Variants in FANCA observed in about 807,000 individuals in gnomAD.
FANCA encodes FA complementation group A.
In FANCA, 236 loss-of-function variants were observed where a neutral mutation model predicts 194.3. That is an observed-to-expected ratio of 1.21 (90% confidence interval 1.09 to 1.35). FANCA has a LOEUF of 1.35. FANCA is among the 40% of genes most tolerant of loss of function. The pLI is 0.00. For missense variants in FANCA, 2,628 were observed against 1,813.9 expected, an observed-to-expected ratio of 1.45 and a Z score of -8.15; for synonymous variants, 1,014 against 715.8, an observed-to-expected ratio of 1.42 and a Z score of -6.65.
intron 7 of FANCA, 122 bp from the exon 8 acceptor site, chr16:89,803,463 T>C (rs914605299): frequency 1.2e-6 from 1 of 859,050 alleles, no homozygotes; most frequent in Non-Finnish European, 2.0e-6. Context: ...CCAGGACCCC[T>C]GTGAGCTGCT....
chr16:89,766,270 C>T (rs1183891893), intron 27 of FANCA, among the ~76,000 whole-genome samples: 1 of 151,084 alleles, frequency 6.6e-6, no homozygotes, highest in African/African-American at 2.4e-5. Flanking sequence ...GTTGGGATTA[C>T]AGGCATGAGC....
intron 12 of FANCA, 129 bp downstream of exon 12, chr16:89,792,342 G>T (rs2040104452): frequency 1.5e-5 from 16 of 1,053,268 alleles, no homozygotes; most frequent in Non-Finnish European, 2.4e-5. Context: ...GATGAGGACA[G>T]CCACATCTCA....
At chr16:89,757,566 G>A (rs1046053246) in intron 30 of FANCA, among the ~76,000 whole-genome samples, 32 of 152,190 alleles carry the variant, frequency 2.1e-4, no homozygotes, top group African/African-American at 7.5e-4. Flanking sequence ...AAATGGATTC[G>A]TGGTTGCCGC....
intron 3 of FANCA, among the ~76,000 whole-genome samples, chr16:89,813,315 G>A (rs1027707924): frequency 1.3e-5 from 2 of 151,832 alleles, no homozygotes; most frequent in African/African-American, 4.8e-5. Context: ...TGCTGGGGTG[G>A]GAGGATCACT....
Position 89,738,690 on chromosome 16 carries a change from C to A in FANCA, c.4279G>T (p.Asp1427Tyr), listed in dbSNP as rs773999989. 1 of 1,613,944 alleles carries A rather than the reference C, an allele frequency of 6.2e-7. No individual in the cohort carries two copies. The highest frequency in any genetic ancestry group is 1.1e-5 in the South Asian group (1 of 91,078). The change falls in exon 43 of 43, where the codon GAC (aspartate) becomes TAC (tyrosine). Residue 1427 changes from aspartate to tyrosine, a missense_variant. Physicochemically the swap from Asp to Tyr is radical, Grantham distance 160. Transcript: ENST00000389301. ...GCGGCGCTCACCTCTGGGTCGCAGT[C>A]CCCACGATCAGCCAGCAGCTGTGAG... Reference protein sequence around the residue: ...HVAELLADRGDCDPEVSAALQ... With the variant: ...HVAELLADRGYCDPEVSAALQ...
At chr16:89,748,096 G>C (rs1293147551) in intron 33 of FANCA, among the ~76,000 whole-genome samples, 2 of 152,150 alleles carry the variant, frequency 1.3e-5, no homozygotes, top group African/African-American at 4.8e-5. Flanking sequence ...ATTTTTTGTA[G>C]AAACAGGGTT....
At position 89,769,826 on chromosome 16, in the gene FANCA, G is replaced by A. The variant is rs2039259927; in HGVS notation, c.2504+11C>T. ...GAGGAGAGAAGACGCGACTGTGGAA[G>A]AAGAGCTCACTTCAGGCAGAAGAAC... is the stretch of plus-strand genomic sequence containing the variant. On this transcript the variant is annotated intron_variant, in intron 26 of 42. Coordinates refer to ENST00000389301, the MANE Select transcript of FANCA (RefSeq NM_000135.4). 2 of 1,613,850 alleles carry A rather than the reference G, an allele frequency of 1.2e-6. No individual in the cohort carries two copies. Among genetic ancestry groups the A allele is most frequent in the Non-Finnish European group, 1.7e-6 (2 of 1,179,990 alleles).
rs1049216505 is a variant in FANCA at position 89,738,091 on chromosome 16, G to C, written c.*510C>G. On this transcript the variant is annotated 3_prime_UTR_variant, in exon 43 of 43. Coordinates refer to ENST00000389301, the MANE Select transcript of FANCA (RefSeq NM_000135.4). ...CTGTGACCAGTGTGGCCGGCGGTTT[G>C]AGAAGGCCCACAACCTCAATGTACA... 6.2e-7 allele frequency: 1 copy of C among 1,613,926 alleles called. No homozygotes were observed. The highest frequency in any genetic ancestry group is 8.5e-7 in the Non-Finnish European group (1 of 1,180,042).
In FANCA at chr16:89,776,153, GTTTTTCT is replaced by G. The variant is rs1555550681; in HGVS notation, c.1827-345_1827-339del. On this transcript the variant is annotated intron_variant, in intron 20 of 42. Transcript: ENST00000389301. ...TTCCAAATTCAAAACACGAATCTTTGTTTTTCTTTTTTTTTTTTTTTTTTTTTTTTTT... is the reference window on the plus strand; with the variant it reads ...TTCCAAATTCAAAACACGAATCTTTGTTTTTTTTTTTTTTTTTTTTTTTTT... Among the ~76,000 whole-genome samples, 224 of 91,770 alleles carry G rather than the reference GTTTTTCT, an allele frequency of 2.4e-3. 6 individuals are homozygous for G. The highest frequency in any genetic ancestry group is 0.018 in the South Asian group (48 of 2,668). The allele number at this position is 91,770 out of a possible 152,430, so 60.2% of individuals were successfully genotyped here. A position where few individuals can be genotyped will look rare whatever the true frequency, so the allele number is the denominator to read the frequency against.
Position 89,738,943 on chromosome 16 carries a change from C to G in FANCA, c.4199G>C (p.Arg1400Pro), listed in dbSNP as rs149851163. Reference protein sequence around the residue: ...GNPVELITKARLFLLQLIPRC... With the variant: ...GNPVELITKAPLFLLQLIPRC... ...AGGTATTAACTGCAGCAGAAAAAGACGAGCTTTTGTTATCAGTTCCACGGG... is the reference window on the plus strand; with the variant it reads ...AGGTATTAACTGCAGCAGAAAAAGAGGAGCTTTTGTTATCAGTTCCACGGG... The change falls in exon 42 of 43, where the codon CGT (arginine) becomes CCT (proline). Residue 1400 changes from arginine (R) to proline (P), a missense_variant. Physicochemically the swap from Arg to Pro is moderately radical, Grantham distance 103. Transcript: ENST00000389301. The G allele has an allele frequency of 1.2e-6, 2 of 1,614,272 alleles. No individual in the cohort carries two copies. Among genetic ancestry groups the G allele is most frequent in the South Asian group, 1.1e-5 (1 of 91,088 alleles).
rs372722561 is a variant in FANCA, at chr16:89,760,844, G to A, written c.2852+1105C>T. ...CACGGCCCTGTCTGTTATCTCCAGG[G>A]CTCATTCCTACCTTTAATCCACTTC... On this transcript the variant is annotated intron_variant, in intron 29 of 42. Transcript: ENST00000389301. 2.0e-5 allele frequency among the ~76,000 whole-genome samples: 3 copies of A among 152,200 alleles called. No homozygotes were observed. The East Asian group carries it at 5.8e-4, about 29-fold the overall frequency.
intron 3 of FANCA, among the ~76,000 whole-genome samples, chr16:89,812,663 A>C (rs1436599304): frequency 6.7e-6 from 1 of 149,384 alleles, no homozygotes; most frequent in Non-Finnish European, 1.5e-5. Flanking sequence ...AAAAAAAAAA[A>C]AAAAAAACTG....
Position 89,765,060 on chromosome 16 carries a change from A to G in FANCA, c.2608T>C (p.Phe870Leu), listed in dbSNP as rs768321231. ...LSPGLIKKFQFLMFRLFSEAR... is the reference protein window; with the variant it reads ...LSPGLIKKFQLLMFRLFSEAR... The stretch of plus-strand genomic sequence containing the variant: ...TCTGAGAACAATCTGAACATGAGGA[A>G]CTGAAACTGAAACAGAGAGTGACCC... Residue 870 changes from phenylalanine to leucine, a missense_variant, in exon 28 of 43, where the codon TTC becomes CTC. Coordinates refer to ENST00000389301, the MANE Select transcript of FANCA (RefSeq NM_000135.4). 6.2e-7 allele frequency: 1 copy of G among 1,614,058 alleles called. No individual in the cohort carries two copies. Among genetic ancestry groups the G allele is most frequent in the South Asian group, 1.1e-5 (1 of 91,060 alleles).
chr16:89,777,137 G>C (rs938901185), intron 20 of FANCA, among the ~76,000 whole-genome samples: 11 of 151,834 alleles, frequency 7.2e-5, no homozygotes, highest in Non-Finnish European at 1.5e-4. Context: ...TGAAACCCAG[G>C]AGGTCAAGGC....
chr16:89,811,120 A>G, intron 3 of FANCA, 49 bp from the exon 4 acceptor site: 8 of 1,612,512 alleles, frequency 5.0e-6, no homozygotes, highest in Non-Finnish European at 6.8e-6. Context: ...ATGAGACAAA[A>G]TCTAAAACCA....
intron 38 of FANCA, chr16:89,740,470 A>C (rs2062101807): frequency 2.2e-6 from 1 of 460,634 alleles, no homozygotes; most frequent in Admixed American, 3.7e-5. Flanking sequence ...CCCCGTCTCT[A>C]CTAAAAATAC....
At position 89,799,624 on chromosome 16, in the gene FANCA, T is replaced by G. The variant is rs766352671; in HGVS notation, c.807A>C (p.Val269=). The change falls in exon 9 of 43, where the codon GTA becomes GTC. Residue 269 remains valine (V), a synonymous_variant. Coordinates refer to ENST00000389301, the MANE Select transcript of FANCA (RefSeq NM_000135.4). ...ACTTACAAATCAGCATTCTCTGCAG[T>G]ACATCAACCGTGACCTGTCAAAATA... The part of the protein sequence containing the change: ...PEKMPQVTVD[V]LQRMLIFALD... The G allele has an allele frequency of 1.1e-5, 18 of 1,613,568 alleles. No homozygotes were observed. In the South Asian group the frequency reaches 1.5e-4, roughly 14 times the overall value.
chr16:89,807,496 T>A (rs953202030), intron 6 of FANCA, among the ~76,000 whole-genome samples: 1 of 151,616 alleles, frequency 6.6e-6, no homozygotes, highest in African/African-American at 2.4e-5. Context: ...ATGCCTGTAA[T>A]CCCAGCACTT....
chr16:89,745,197 G>A (rs2038339634), intron 35 of FANCA, 126 bp from the exon 36 acceptor site: 1 of 859,046 alleles, frequency 1.2e-6, no homozygotes, highest in South Asian at 1.4e-5. Flanking sequence ...CTGCGCTCTG[G>A]AACTCCAAAG....
Sources: allele counts gnomAD v4.1 joint callset (sites outside exome capture counted in the v4.1 genomes callset), GRCh38; gene constraint gnomAD v4.1.1; transcripts MANE v1.5; gene names NCBI Gene and HGNC (gene_info 2026-07-23, HGNC 2026-07-21).